Variants in DNAI4 observed in about 807,000 individuals in gnomAD.
The protein encoded by DNAI4 is WD repeat domain 78.
DNAI4 carries 85 observed loss-of-function variants against 105.8 expected under a neutral mutation model. The observed-to-expected ratio is 0.80, with a 90% CI of 0.67 to 0.96. The LOEUF is 0.96. DNAI4 is among the 40% of genes least tolerant of loss of function. The probability of loss-of-function intolerance (pLI) is 0.00; values close to 1 mark genes in which losing one functional copy is unlikely to be tolerated. For synonymous variants in DNAI4, 352 were observed against 331.5 expected (o/e 1.06, Z -0.67); for missense variants, 1,014 against 1,005.6 (o/e 1.01, Z -0.11).
intron 16 of DNAI4, among the ~76,000 whole-genome samples, chr1:66,820,938 T>C (rs757676359): frequency 1.2e-4 from 18 of 152,134 alleles, no homozygotes; most frequent in Non-Finnish European, 2.9e-5. Context: ...TGGATATTTA[T>C]GTTGTTCTGT....
At chr1:66,836,623 T>C (rs923019770) in intron 10 of DNAI4, among the ~76,000 whole-genome samples, 2 of 152,224 alleles carry the variant, frequency 1.3e-5, no homozygotes, top group Admixed American at 1.3e-4. Flanking sequence ...CTTTCCTGCT[T>C]TTAACCACCT....
chr1:66,835,329 G>T (rs1645961856), intron 11 of DNAI4, among the ~76,000 whole-genome samples: 1 of 152,126 alleles, frequency 6.6e-6, no homozygotes, highest in African/African-American at 2.4e-5. Context: ...TTGCACAAAA[G>T]AAAGGAATGG....
chr1:66,825,444 G>A (rs1348900717), intron 15 of DNAI4, among the ~76,000 whole-genome samples: 1 of 151,682 alleles, frequency 6.6e-6, no homozygotes, highest in African/African-American at 2.4e-5. Flanking sequence ...GCCTCCCAAA[G>A]TGCTGGGATT....
chr1:66,845,635 C>G (rs1250639126), intron 8 of DNAI4, among the ~76,000 whole-genome samples: 1 of 151,996 alleles, frequency 6.6e-6, no homozygotes, highest in Non-Finnish European at 1.5e-5. Context: ...AATGGACAAA[C>G]AAATCATTAT....
rs143299335 is a variant in DNAI4 at position 66,837,777 on chromosome 1, T to G, written c.1514A>C (p.Tyr505Ser). 5.7e-5 allele frequency: 91 copies of G among 1,605,514 alleles called. No homozygotes were observed. Among genetic ancestry groups the G allele is most frequent in the Non-Finnish European group, 7.5e-5 (88 of 1,177,728 alleles). ...KTNPDLLAVG[Y>S]GHFGFKEQKR... ...TTGCTCTTTAAATCCAAAGTGCCCA[T>G]AGCCAACAGCCAAAAGATCCTGAAA... Residue 505 changes from tyrosine (Y) to serine (S), a missense_variant, in exon 10 of 17, where the codon TAT becomes TCT. Tyr to Ser is a moderately radical substitution (Grantham distance 144). Coordinates refer to ENST00000371026, the MANE Select transcript of DNAI4 (RefSeq NM_024763.5).
At chr1:66,878,572 G>A (rs1647004737) in intron 4 of DNAI4, among the ~76,000 whole-genome samples, 1 of 152,074 alleles carries the variant, frequency 6.6e-6, no homozygotes, top group Admixed American at 6.6e-5. Flanking sequence ...ATATTTGTAT[G>A]TATACTAACT....
intron 2 of DNAI4, among the ~76,000 whole-genome samples, chr1:66,894,870 T>G (rs1470548199): frequency 6.6e-6 from 1 of 152,340 alleles, no homozygotes; most frequent in African/African-American, 2.4e-5. Context: ...GCAAGTGTCT[T>G]GGCTATTTTT....
At chr1:66,844,980 G>A (rs1646239385) in intron 8 of DNAI4, among the ~76,000 whole-genome samples, 1 of 152,000 alleles carries the variant, frequency 6.6e-6, no homozygotes, top group African/African-American at 2.4e-5. Flanking sequence ...GATCACCTGA[G>A]GTCAAGAGTT....
At chr1:66,827,088 A>T (rs1240213368) in intron 14 of DNAI4, 42 bp from the exon 15 acceptor site, 1 of 1,496,676 alleles carries the variant, frequency 6.7e-7, no homozygotes, top group Non-Finnish European at 9.1e-7. Context: ...AATATTTAAC[A>T]TCTTTTATTT....
Position 66,835,569 on chromosome 1 carries a change from A to G in DNAI4, c.1733+57T>C, listed in dbSNP as rs971901725. 4.7e-5 allele frequency: 72 copies of G among 1,546,970 alleles called. 1 individual carries two copies. In the South Asian group the frequency reaches 7.7e-4, roughly 16 times the overall value. ...TTTACTCAAAACTAAATAACATTAG[A>G]GTAAATCCTCCTGAAAAAGCATGTA... On this transcript the variant is annotated intron_variant, in intron 11 of 16. Coordinates refer to ENST00000371026, the MANE Select transcript of DNAI4 (RefSeq NM_024763.5).
At chr1:66,818,638 G>A (rs1238500012) in intron 16 of DNAI4, among the ~76,000 whole-genome samples, 1 of 152,090 alleles carries the variant, frequency 6.6e-6, no homozygotes, top group East Asian at 1.9e-4. Context: ...AAATAAATTG[G>A]CCAGGTGCGG....
intron 13 of DNAI4, 42 bp from the exon 14 acceptor site, chr1:66,827,952 TAGTA>T (rs1237885716): frequency 1.6e-6 from 2 of 1,252,906 alleles, no homozygotes; most frequent in Admixed American, 2.0e-5. Context: ...TGTGATACAT[TAGTA>T]AGTGTGATAA....
At chr1:66,842,557 A>C (rs1646172999) in intron 8 of DNAI4, among the ~76,000 whole-genome samples, 1 of 151,882 alleles carries the variant, frequency 6.6e-6, no homozygotes, top group African/African-American at 2.4e-5. Context: ...TACTCGGCTA[A>C]ATTTTTTGTA....
In DNAI4 at chr1:66,814,063, A is replaced by G; in HGVS notation, c.*67T>C. On this transcript the variant is annotated 3_prime_UTR_variant, in exon 17 of 17. Coordinates refer to ENST00000371026, the MANE Select transcript of DNAI4 (RefSeq NM_024763.5). ...AATCAAAATCTGGTGTACAGTATGTAATACAGAATATTGGATGTTAATTCC... is the reference window on the plus strand; with the variant it reads ...AATCAAAATCTGGTGTACAGTATGTGATACAGAATATTGGATGTTAATTCC... 1 of 1,289,412 alleles carries G rather than the reference A, an allele frequency of 7.8e-7. No individual in the cohort carries two copies. The highest frequency in any genetic ancestry group is 1.3e-5 in the South Asian group (1 of 75,548). The allele number at this position is 1,289,412 out of a possible 1,614,324, so 79.9% of individuals were successfully genotyped here.
intron 3 of DNAI4, among the ~76,000 whole-genome samples, chr1:66,892,999 GA>G (rs1647856422): frequency 1.4e-5 from 1 of 70,234 alleles, no homozygotes; most frequent in Non-Finnish European, 2.8e-5. Flanking sequence ...GAAAGAAAGA[GA>G]GAAAGAGAGA....
chr1:66,837,409 T>A (rs1209394194), intron 10 of DNAI4, among the ~76,000 whole-genome samples: 2 of 151,630 alleles, frequency 1.3e-5, no homozygotes, highest in Admixed American at 6.6e-5. Flanking sequence ...GATTTTCATT[T>A]AAGATTCATT....
At chr1:66,839,005 T>A (rs1646090542) in intron 9 of DNAI4, among the ~76,000 whole-genome samples, 1 of 152,242 alleles carries the variant, frequency 6.6e-6, no homozygotes, top group Non-Finnish European at 1.5e-5. Flanking sequence ...ATAGACTCCA[T>A]CTGTAATATG....
At chr1:66,844,221 A>G (rs955114890) in intron 8 of DNAI4, among the ~76,000 whole-genome samples, 2 of 151,982 alleles carry the variant, frequency 1.3e-5, no homozygotes, top group African/African-American at 4.8e-5. Flanking sequence ...TATTTATCTT[A>G]AAACATCATG....
At chr1:66,828,974 G>A (rs766854694) in intron 13 of DNAI4, among the ~76,000 whole-genome samples, 1 of 152,142 alleles carries the variant, frequency 6.6e-6, no homozygotes, top group Non-Finnish European at 1.5e-5. Context: ...GGGTTTCCCA[G>A]CAAATAAACT....
Sources: allele counts gnomAD v4.1 joint callset (sites outside exome capture counted in the v4.1 genomes callset), GRCh38; gene constraint gnomAD v4.1.1; transcripts MANE v1.5; gene names NCBI Gene and HGNC (gene_info 2026-07-23, HGNC 2026-07-21).